Variants in COLEC10 observed in about 807,000 individuals in gnomAD.
COLEC10 encodes collectin-10.
In COLEC10, 22 loss-of-function variants were observed where a neutral mutation model predicts 28.4. The observed-to-expected ratio is 0.78, with a 90% confidence interval of 0.55 to 1.11. COLEC10 has a LOEUF of 1.11. COLEC10 is among the 50% of genes least tolerant of loss of function. The pLI, the probability that COLEC10 is intolerant of heterozygous loss-of-function variation, is 0.00. For missense variants in COLEC10, 361 were observed against 344.1 expected, an observed-to-expected ratio of 1.05 and a Z score of -0.39; for synonymous variants, 125 against 116.1, an observed-to-expected ratio of 1.08 and a Z score of -0.49.
intron 2 of COLEC10, among the ~76,000 whole-genome samples, chr8:119,052,332 C>T (rs1814688481): frequency 1.3e-5 from 2 of 152,104 alleles, no homozygotes; most frequent in Admixed American, 1.3e-4. Context: ...ATACTGACCT[C>T]TCACAAAGAT....
chr8:119,006,559 G>C (rs773015425), intron 1 of COLEC10, among the ~76,000 whole-genome samples: 2 of 151,990 alleles, frequency 1.3e-5, no homozygotes, highest in Non-Finnish European at 2.9e-5. Flanking sequence ...CTGACACATG[G>C]TATGGTCCCA....
intron 1 of COLEC10, among the ~76,000 whole-genome samples, chr8:118,996,161 T>G (rs1276711681): frequency 6.6e-6 from 1 of 152,198 alleles, no homozygotes; most frequent in East Asian, 1.9e-4. Context: ...CTTATTTCAG[T>G]TAGCATAGTG....
At chr8:119,063,893 A>T (rs572787485), upstream of COLEC10, among the ~76,000 whole-genome samples, 3 of 152,312 alleles carry the variant, frequency 2.0e-5, no homozygotes, top group South Asian at 6.2e-4. Context: ...AACTATGAAG[A>T]CAGTTTTATA....
chr8:119,076,253 C>A (rs79041060), intron 1 of COLEC10, among the ~76,000 whole-genome samples: 5,137 of 105,838 alleles, frequency 0.049, 141 homozygotes, highest in South Asian at 0.14. Context: ...GTGCTGAGGA[C>A]ACAAAATTCT....
In COLEC10 at chr8:119,037,790, C is replaced by T. The variant is rs140916189; in HGVS notation, n.235+28237C>T. On this transcript the variant is annotated intron_variant and non_coding_transcript_variant, in intron 2 of 6. Transcript: ENST00000521788. Reference sequence around the variant, plus strand: ...TTGTGGTGCCTTCTCTTCTTTTGTTCGTGTAAATCTAGGCTATTATTCATT... The same window carrying T: ...TTGTGGTGCCTTCTCTTCTTTTGTTTGTGTAAATCTAGGCTATTATTCATT... Among the ~76,000 whole-genome samples the T allele has an allele frequency of 6.8e-3, 1,043 of 152,278 alleles. 6 individuals carry two copies. Among genetic ancestry groups the T allele is most frequent in the Non-Finnish European group, 0.01 (701 of 68,020 alleles).
At chr8:118,983,395 T>C in the COLEC10 span, among the ~76,000 whole-genome samples, 1 of 152,112 alleles carries the variant, frequency 6.6e-6, no homozygotes, top group South Asian at 2.1e-4. Flanking sequence ...AAAGCAGATA[T>C]CACATGACAT....
At chr8:118,996,695 C>A (rs1368412239) in intron 1 of COLEC10, among the ~76,000 whole-genome samples, 1 of 152,132 alleles carries the variant, frequency 6.6e-6, no homozygotes, top group Non-Finnish European at 1.5e-5. Flanking sequence ...CAGTGAAATA[C>A]CTGGAACTGG....
chr8:119,051,989 G>A (rs1391595301), intron 2 of COLEC10, among the ~76,000 whole-genome samples: 1 of 151,904 alleles, frequency 6.6e-6, no homozygotes, highest in Non-Finnish European at 1.5e-5. Context: ...GTTTTATTAT[G>A]GCATACCAAA....
At chr8:119,077,712 C>T (rs921510197) in intron 1 of COLEC10, among the ~76,000 whole-genome samples, 9 of 152,078 alleles carry the variant, frequency 5.9e-5, no homozygotes, top group African/African-American at 1.9e-4. Context: ...TATCCTGCCC[C>T]CTTTTCAGTG....
At chr8:119,085,043 C>T (rs1815444564) in intron 1 of COLEC10, among the ~76,000 whole-genome samples, 1 of 152,174 alleles carries the variant, frequency 6.6e-6, no homozygotes, top group African/African-American at 2.4e-5. Flanking sequence ...CTCCATTAAT[C>T]CACAGCAATC....
At chr8:119,046,107 A>C (rs4295687) in intron 2 of COLEC10, among the ~76,000 whole-genome samples, 115 of 152,102 alleles carry the variant, frequency 7.6e-4, no homozygotes, top group Admixed American at 6.5e-4. Flanking sequence ...ACAGAGAAAG[A>C]TTACCTAATT....
In COLEC10 at chr8:119,089,703, C is replaced by A; in HGVS notation, c.172C>A (p.Pro58Thr). 1 of 1,613,508 alleles carries A rather than the reference C, an allele frequency of 6.2e-7. No homozygotes were observed. The highest frequency in any genetic ancestry group is 1.3e-5 in the African/African-American group (1 of 75,008). The change falls in exon 2 of 6, where the codon CCA becomes ACA. Residue 58 changes from proline to threonine, a missense_variant. Around this residue, in one of 3 missense-constraint regions of COLEC10, gnomAD observed 335 missense variants for 308.5 expected, o/e 1.09. Coordinates refer to ENST00000332843, the MANE Select transcript of COLEC10 (RefSeq NM_006438.5). The stretch of plus-strand genomic sequence containing the variant: ...AGGAGATGATGGTGAAAAAGGAGAT[C>A]CAGGAGAAGAGGGAAAGCATGGCAA... ...PKGDDGEKGDPGEEGKHGKVG... is the reference protein window; with the variant it reads ...PKGDDGEKGDTGEEGKHGKVG...
At chr8:118,995,408 T>G (rs1813573087), upstream of COLEC10, 1 of 152,230 alleles carries the variant, frequency 6.6e-6, no homozygotes, top group South Asian at 2.1e-4. Flanking sequence ...GATGCAACAC[T>G]GAATTTGTTT....
chr8:119,104,382 C>A (rs1160819200), intron 5 of COLEC10, among the ~76,000 whole-genome samples: 1 of 152,086 alleles, frequency 6.6e-6, no homozygotes, highest in African/African-American at 2.4e-5. Context: ...TAGATACAGA[C>A]CTAATGAGCA....
intron 1 of COLEC10, among the ~76,000 whole-genome samples, chr8:118,996,127 C>A (rs937346033): frequency 2.0e-5 from 3 of 152,156 alleles, no homozygotes; most frequent in African/African-American, 7.2e-5. Context: ...AAAAAAGGAT[C>A]ATGCTGTGTT....
At chr8:119,041,300 A>G (rs1356341990) in intron 2 of COLEC10, among the ~76,000 whole-genome samples, 1 of 151,976 alleles carries the variant, frequency 6.6e-6, no homozygotes, top group African/African-American at 2.4e-5. Flanking sequence ...TAATGGTACC[A>G]TTTGATTCTG....
intron 2 of COLEC10, among the ~76,000 whole-genome samples, chr8:119,022,837 T>C (rs1297942359): frequency 1.3e-5 from 2 of 152,130 alleles, no homozygotes; most frequent in Middle Eastern, 3.2e-3. Context: ...TCACTGAAAG[T>C]AAATGCCAAG....
chr8:119,047,011 C>G (rs369786437), intron 2 of COLEC10, among the ~76,000 whole-genome samples: 15 of 152,214 alleles, frequency 9.9e-5, no homozygotes, highest in African/African-American at 3.4e-4. Flanking sequence ...TGTGATGAGG[C>G]CTTAGGAAAA....
chr8:119,063,735 A>C (rs78260178), upstream of COLEC10, among the ~76,000 whole-genome samples: 4,386 of 152,038 alleles, frequency 0.029, 118 homozygotes, highest in African/African-American at 0.063. Context: ...AATTCACAAA[A>C]AAAAAAAAGA....
Sources: gnomAD v4.1 joint callset for allele counts (sites outside exome capture counted in the v4.1 genomes callset) on GRCh38, gnomAD v4.1.1 for gene constraint, gnomAD v4.1.1 regional missense constraint, MANE v1.5 for transcripts, NCBI Gene and HGNC (gene_info 2026-07-23, HGNC 2026-07-21) for gene names.